The following NCOR1 variants were observed in gnomAD, a reference collection of about 807,000 sequenced individuals.
NCOR1 encodes the protein nuclear receptor corepressor 1, also known as protein phosphatase 1, regulatory subunit 109.
A neutral mutation model predicts 288.1 loss-of-function variants in NCOR1; 63 were observed. The observed-to-expected ratio is 0.22, with a 90% CI of 0.18 to 0.27. The LOEUF (loss-of-function observed/expected upper bound fraction) is 0.27. NCOR1 is among the 10% of genes least tolerant of loss of function. NCOR1 has a pLI of 1.00. For synonymous variants in NCOR1, 1,007 were observed against 1,065.9 expected, an observed-to-expected ratio of 0.94 and a Z score of 1.08; for missense variants, 2,397 against 3,019.2, an observed-to-expected ratio of 0.79 and a Z score of 4.83.
At chr17:16,202,386 G>A (rs532537802) in intron 1 of NCOR1, among the ~76,000 whole-genome samples, 80 of 149,002 alleles carry the variant, frequency 5.4e-4, no homozygotes, top group African/African-American at 1.9e-3. Flanking sequence ...GGACGACAGA[G>A]CAAGACTTCA....
chr17:16,144,741 C>T (rs142441972), intron 10 of NCOR1, among the ~76,000 whole-genome samples: 87 of 151,842 alleles, frequency 5.7e-4, no homozygotes, highest in Non-Finnish European at 1.1e-3. Context: ...TCTCCCTCTC[C>T]GCTTCTCCCG....
At chr17:16,201,356 T>C (rs1268445923) in intron 1 of NCOR1, among the ~76,000 whole-genome samples, 2 of 152,126 alleles carry the variant, frequency 1.3e-5, no homozygotes, top group African/African-American at 4.8e-5. Context: ...CCCAGCACTT[T>C]GGGAGGCCGA....
chr17:16,141,809 T>C (rs1287258026), intron 11 of NCOR1, among the ~76,000 whole-genome samples: 3 of 152,188 alleles, frequency 2.0e-5, no homozygotes, highest in African/African-American at 7.2e-5. Flanking sequence ...ATAGACTTGA[T>C]TGAATATAGA....
chr17:16,168,550 T>C (rs1247110611), intron 4 of NCOR1, among the ~76,000 whole-genome samples: 1 of 152,156 alleles, frequency 6.6e-6, no homozygotes, highest in Non-Finnish European at 1.5e-5. Flanking sequence ...GAACTGGCCC[T>C]ACTCTTTTGC....
At chr17:16,197,214 G>A (rs376717375) in intron 1 of NCOR1, among the ~76,000 whole-genome samples, 11 of 151,846 alleles carry the variant, frequency 7.2e-5, no homozygotes, top group East Asian at 5.8e-4. Context: ...CCAGCTGCTC[G>A]GGAGGCTGAG....
At chr17:16,055,960 G>C (rs1307063591) in intron 40 of NCOR1, among the ~76,000 whole-genome samples, 1 of 152,172 alleles carries the variant, frequency 6.6e-6, no homozygotes, top group East Asian at 1.9e-4. Flanking sequence ...GGATGAAAAT[G>C]AAACAAAACT....
At chr17:16,057,331 C>T in intron 40 of NCOR1, 183 bp downstream of exon 40, 1 of 611,342 alleles carries the variant, frequency 1.6e-6, no homozygotes. Context: ...AGTCATAGTA[C>T]CAAATGCCAA....
At chr17:16,150,106 A>G (rs1293932551) in intron 8 of NCOR1, among the ~76,000 whole-genome samples, 1 of 152,146 alleles carries the variant, frequency 6.6e-6, no homozygotes, top group Non-Finnish European at 1.5e-5. Context: ...TGTGACCTTC[A>G]AAAACAATGA....
chr17:16,075,733 G>T, intron 26 of NCOR1, 31 bp from the exon 27 acceptor site: 1 of 1,611,140 alleles, frequency 6.2e-7, no homozygotes, highest in South Asian at 1.1e-5. Context: ...AATAGCAGAG[G>T]AGTCACTCGA....
intron 6 of NCOR1, among the ~76,000 whole-genome samples, chr17:16,158,506 ACT>A (rs945373857): frequency 9.9e-5 from 15 of 152,164 alleles, no homozygotes; most frequent in African/African-American, 3.6e-4. Context: ...ACAAAATTTC[ACT>A]GATTAAATAT....
At chr17:16,134,987 G>A (rs1183804052) in intron 14 of NCOR1, among the ~76,000 whole-genome samples, 1 of 151,776 alleles carries the variant, frequency 6.6e-6, no homozygotes, top group Non-Finnish European at 1.5e-5. Flanking sequence ...GTGAAACCCC[G>A]TCTCTACTAA....
chr17:16,063,384 TG>T (rs2060755376), intron 35 of NCOR1, among the ~76,000 whole-genome samples: 1 of 152,088 alleles, frequency 6.6e-6, no homozygotes, highest in African/African-American at 2.4e-5. Flanking sequence ...GGTCTCACCA[TG>T]TTGCTGAGGC....
In NCOR1 at chr17:16,047,091, T is replaced by C; in HGVS notation, c.6539A>G (p.Asn2180Ser). ...TATACTCCCTGGTGAGCGGGCATCA[T>C]TCCTGTTAGGGCCAAAGTTAAGTAT... The part of the protein sequence containing the change: ...QRGAEPAEQR[N>S]DARSPGSISY... The change falls in exon 42 of 46, where the codon AAT becomes AGT. Residue 2180 changes from asparagine to serine, a missense_variant and splice_region_variant. Transcript: ENST00000268712. The C allele has an allele frequency of 6.2e-7, 1 of 1,611,298 alleles. No individual in the cohort carries two copies. The highest frequency in any genetic ancestry group is 1.1e-5 in the South Asian group (1 of 90,562).
chr17:16,095,214 G>A (rs1208578035), intron 21 of NCOR1, among the ~76,000 whole-genome samples: 17 of 149,984 alleles, frequency 1.1e-4, no homozygotes, highest in African/African-American at 3.9e-4. Flanking sequence ...CCTCTACCCC[G>A]CCGCCCCGTC....
chr17:16,180,934 G>A (rs879689151), intron 3 of NCOR1, among the ~76,000 whole-genome samples: 46 of 152,104 alleles, frequency 3.0e-4, no homozygotes, highest in Admixed American at 1.0e-3. Flanking sequence ...TGAGGTGGGC[G>A]GATTACTTGA....
chr17:16,039,766 G>A, intron 43 of NCOR1, 112 bp from the exon 44 acceptor site: 1 of 937,184 alleles, frequency 1.1e-6, no homozygotes, highest in Non-Finnish European at 1.6e-6. Context: ...AAGTGACCTA[G>A]AACAATACCA....
In NCOR1 at chr17:16,065,557, A is replaced by G; in HGVS notation, c.4879T>C (p.Leu1627=). The G allele has an allele frequency of 6.2e-7, 1 of 1,614,178 alleles. No homozygotes were observed. The highest frequency in any genetic ancestry group is 8.5e-7 in the Non-Finnish European group (1 of 1,180,042). ...YITSQQMQVN[L]RPDVARGLSP... The stretch of plus-strand genomic sequence containing the variant: ...AGTCCTCTGGCCACATCTGGACGCA[A>G]GTTCACTTGCATCTGTTGTGAGGTA... Residue 1627 remains leucine (L), a synonymous_variant, in exon 33 of 46, where the codon TTG becomes CTG. Coordinates refer to ENST00000268712, the MANE Select transcript of NCOR1 (RefSeq NM_006311.4).
chr17:16,104,895 G>C (rs1336056296), intron 19 of NCOR1, among the ~76,000 whole-genome samples: 1 of 152,178 alleles, frequency 6.6e-6, no homozygotes, highest in Non-Finnish European at 1.5e-5. Context: ...GAGGACTCAA[G>C]GAAATGAGAG....
intron 3 of NCOR1, among the ~76,000 whole-genome samples, chr17:16,183,505 TA>T (rs1370492529): frequency 6.6e-6 from 1 of 151,948 alleles, no homozygotes; most frequent in African/African-American, 2.4e-5. Flanking sequence ...GACATTTAAA[TA>T]AATTTACTTG....
Sources: allele counts gnomAD v4.1 joint callset (sites outside exome capture counted in the v4.1 genomes callset), GRCh38; gene constraint gnomAD v4.1.1; transcripts MANE v1.5; gene names NCBI Gene and HGNC (gene_info 2026-07-23, HGNC 2026-07-21).